The following AGBL4 variants were observed in gnomAD, a reference collection of about 807,000 sequenced individuals.
AGBL4 encodes cytosolic carboxypeptidase 6.
Under a neutral mutation model 66.4 loss-of-function variants are expected in AGBL4, and 58 were observed. The ratio of observed to expected loss-of-function variants is 0.87; its 90% CI spans 0.71 to 1.09. AGBL4 has a LOEUF of 1.09. Among genes scored for constraint, AGBL4 ranks in the 50% least tolerant of loss-of-function variants. AGBL4 has a pLI of 0.00. For missense variants in AGBL4, 579 were observed against 631.0 expected, an observed-to-expected ratio of 0.92 and a Z score of 0.88; for synonymous variants, 234 against 222.9, an observed-to-expected ratio of 1.05 and a Z score of -0.44.
chr1:49,801,278 G>A (rs1365911127), intron 2 of AGBL4, among the ~76,000 whole-genome samples: 1 of 152,122 alleles, frequency 6.6e-6, no homozygotes, highest in Non-Finnish European at 1.5e-5. Context: ...ACAGCCACAT[G>A]AGACTGAATT....
At chr1:49,334,029 G>T (rs767355052) in intron 3 of AGBL4, among the ~76,000 whole-genome samples, 1 of 152,116 alleles carries the variant, frequency 6.6e-6, no homozygotes, top group Non-Finnish European at 1.5e-5. Flanking sequence ...GTTTAATTCT[G>T]TCTAGACACT....
intron 1 of AGBL4, among the ~76,000 whole-genome samples, chr1:49,889,961 T>C (rs921894243): frequency 2.6e-5 from 4 of 152,200 alleles, no homozygotes; most frequent in African/African-American, 9.6e-5. Context: ...GCTTATATCA[T>C]TTCAATAAGT....
At position 49,293,484 on chromosome 1, in the gene AGBL4, T is replaced by C. The variant is rs1169788402; in HGVS notation, c.283-47620A>G. On this transcript the variant is annotated intron_variant, in intron 3 of 13. Transcript: ENST00000371839. ...TATTTATTTGTAAAAATTCATTGAG[T>C]TATTATATACGTAAAATTTGAGCAT... is the stretch of plus-strand genomic sequence containing the variant. Among the ~76,000 whole-genome samples, 3 of 152,352 alleles carry C rather than the reference T, an allele frequency of 2.0e-5. No homozygotes were observed. In the South Asian group the frequency reaches 6.2e-4, roughly 32 times the overall value.
chr1:49,227,077 C>T (rs1649969562), intron 4 of AGBL4, among the ~76,000 whole-genome samples: 1 of 152,198 alleles, frequency 6.6e-6, no homozygotes, highest in Non-Finnish European at 1.5e-5. Context: ...ATTACCATCA[C>T]CTTGGTGATT....
rs1446957916 is a variant in AGBL4, at chr1:49,697,337, A to C, written c.258T>G (p.Thr86=). The C allele has an allele frequency of 6.5e-7, 1 of 1,547,184 alleles. No homozygotes were observed. The highest frequency in any genetic ancestry group is 2.0e-5 in the Admixed American group (1 of 50,950). ...NPRFRVWFNF[T]VENVKESQRV... ...CCTGTGATTCTTTCACATTTTCAAC[A>C]GTAAAGTTGAACCAGACTCGGAAGC... Residue 86 remains threonine (T), a synonymous_variant, in exon 3 of 14, where the codon ACT becomes ACG. Transcript: ENST00000371839.
In AGBL4 at chr1:49,818,127, GA is replaced by G. The variant is rs969905256; in HGVS notation, c.157+33268del. 1.3e-4 allele frequency among the ~76,000 whole-genome samples: 19 copies of G among 148,812 alleles called. No homozygotes were observed. In the South Asian group the frequency reaches 1.9e-3, roughly 15 times the overall value. On this transcript the variant is annotated intron_variant, in intron 2 of 13. Transcript: ENST00000371839. ...TCCACACTAGCAGCCAGCATTTTCA[GA>G]AAAAAAAAATTAAACATTTGGTCAC...
At chr1:48,734,929 C>G (rs945783752) in intron 6 of AGBL4, among the ~76,000 whole-genome samples, 1 of 152,200 alleles carries the variant, frequency 6.6e-6, no homozygotes, top group Non-Finnish European at 1.5e-5. Flanking sequence ...GGACACTAGT[C>G]AGTGGTTAGG....
intron 5 of AGBL4, among the ~76,000 whole-genome samples, chr1:49,045,163 T>G (rs1227076950): frequency 6.6e-6 from 1 of 152,154 alleles, no homozygotes; most frequent in East Asian, 1.9e-4. Context: ...GCAGGCAAGT[T>G]TGGTTCACTA....
intron 1 of AGBL4, among the ~76,000 whole-genome samples, chr1:49,938,700 T>A (rs1361026349): frequency 6.6e-6 from 1 of 151,982 alleles, no homozygotes; most frequent in Admixed American, 6.6e-5. Context: ...TATACGCAAA[T>A]CAATAAACGT....
At chr1:49,023,473 G>A (rs1292285063) in intron 5 of AGBL4, among the ~76,000 whole-genome samples, 1 of 152,084 alleles carries the variant, frequency 6.6e-6, no homozygotes, top group African/African-American at 2.4e-5. Context: ...AGTAAGTTGG[G>A]CCAAATGATT....
At chr1:49,425,527 T>C (rs535447296) in intron 3 of AGBL4, among the ~76,000 whole-genome samples, 34 of 152,348 alleles carry the variant, frequency 2.2e-4, no homozygotes, top group African/African-American at 8.2e-4. Flanking sequence ...TTTCTTTTCT[T>C]ATTCTAGCTC....
chr1:49,174,981 CT>C (rs1477404273), intron 4 of AGBL4: 2 of 152,030 alleles, frequency 1.3e-5, no homozygotes, highest in African/African-American at 4.8e-5. Context: ...AATAAATTCA[CT>C]TGGCAAATGT....
chr1:48,572,983 T>G (rs1360472606), intron 11 of AGBL4, among the ~76,000 whole-genome samples: 1 of 152,214 alleles, frequency 6.6e-6, no homozygotes, highest in African/African-American at 2.4e-5. Context: ...ATCCTTCTGA[T>G]GGAGCTAGGT....
chr1:48,849,734 A>G (rs1175320983), intron 6 of AGBL4, among the ~76,000 whole-genome samples: 1 of 152,212 alleles, frequency 6.6e-6, no homozygotes, highest in Non-Finnish European at 1.5e-5. Context: ...GCACTTTGGG[A>G]GGCCGAAGTG....
chr1:48,569,136 T>C (rs1204284105), intron 11 of AGBL4, among the ~76,000 whole-genome samples: 1 of 152,220 alleles, frequency 6.6e-6, no homozygotes, highest in Non-Finnish European at 1.5e-5. Flanking sequence ...CAAAACCCTA[T>C]GTCTAGGTTA....
intron 2 of AGBL4, among the ~76,000 whole-genome samples, chr1:49,720,453 T>C (rs953372691): frequency 2.6e-5 from 4 of 152,178 alleles, no homozygotes; most frequent in Admixed American, 6.5e-5. Flanking sequence ...GTGTCCTTGG[T>C]TCCATCTCCA....
chr1:48,897,804 C>T (rs528232240), intron 5 of AGBL4, among the ~76,000 whole-genome samples: 1 of 124,960 alleles, frequency 8.0e-6, no homozygotes, highest in African/African-American at 2.7e-5. Flanking sequence ...ATCTTTTGCC[C>T]ACTTTTTTTT....
chr1:48,532,024 T>C (rs906188491), downstream of AGBL4, among the ~76,000 whole-genome samples: 1 of 152,140 alleles, frequency 6.6e-6, no homozygotes. Flanking sequence ...CCTCAGGTGA[T>C]TCTCCCGCCT....
intron 4 of AGBL4, among the ~76,000 whole-genome samples, chr1:49,240,979 C>A (rs777656571): frequency 2.0e-5 from 3 of 151,938 alleles, no homozygotes; most frequent in Non-Finnish European, 4.4e-5. Flanking sequence ...GGGAATCATC[C>A]AGGACTCCTC....
Sources: gnomAD v4.1 joint callset for allele counts (sites outside exome capture counted in the v4.1 genomes callset) on GRCh38, gnomAD v4.1.1 for gene constraint, MANE v1.5 for transcripts, NCBI Gene and HGNC (gene_info 2026-07-23, HGNC 2026-07-21) for gene names.